RUNX2: variants seen among roughly 807,000 people sequenced by gnomAD.
The protein encoded by RUNX2 is runt-related transcription factor 2.
RUNX2 carries 10 observed loss-of-function variants against 51.7 expected under a neutral mutation model. The ratio of observed to expected loss-of-function variants is 0.19; its 90% CI spans 0.12 to 0.33. The LOEUF is 0.33. Ranked by LOEUF, RUNX2 falls within the 10% of genes least tolerant of loss-of-function variation. The pLI, the probability that RUNX2 is intolerant of heterozygous loss-of-function variation, is 1.00. For synonymous variants in RUNX2, 276 were observed against 273.6 expected, an observed-to-expected ratio of 1.01 and a Z score of -0.09; for missense variants, 562 against 691.3, an observed-to-expected ratio of 0.81 and a Z score of 2.10.
At chr6:45,359,720 A>C (rs185705743) in intron 2 of RUNX2, among the ~76,000 whole-genome samples, 1 of 152,310 alleles carries the variant, frequency 6.6e-6, no homozygotes, top group East Asian at 1.9e-4. Context: ...GTTGTTAGAT[A>C]TAGGAAACTG....
At chr6:45,470,671 T>G (rs563340268) in intron 5 of RUNX2, among the ~76,000 whole-genome samples, 1 of 152,342 alleles carries the variant, frequency 6.6e-6, no homozygotes, top group South Asian at 2.1e-4. Flanking sequence ...CCGGAAATAC[T>G]TCTCCTGGTC....
At chr6:45,466,949 A>G (rs1468956843) in intron 5 of RUNX2, among the ~76,000 whole-genome samples, 1 of 152,158 alleles carries the variant, frequency 6.6e-6, no homozygotes, top group Non-Finnish European at 1.5e-5. Flanking sequence ...TTGAGATGAT[A>G]TTTTATTTTT....
At chr6:45,504,314 C>A (rs906852815) in intron 6 of RUNX2, among the ~76,000 whole-genome samples, 1 of 152,218 alleles carries the variant, frequency 6.6e-6, no homozygotes, top group African/African-American at 2.4e-5. Context: ...GGAGCTCACT[C>A]TTCTGAGTGG....
chr6:45,399,182 G>A (rs1462328804), intron 2 of RUNX2, among the ~76,000 whole-genome samples: 1 of 151,754 alleles, frequency 6.6e-6, no homozygotes, highest in African/African-American at 2.4e-5. Context: ...CTCTTCATCT[G>A]TATTTCTACT....
At chr6:45,390,542 A>G (rs1254272956) in intron 2 of RUNX2, among the ~76,000 whole-genome samples, 1 of 152,230 alleles carries the variant, frequency 6.6e-6, no homozygotes, top group Non-Finnish European at 1.5e-5. Context: ...AGTTTTCAGA[A>G]GTGCTTTAAT....
At chr6:45,447,261 A>G (rs1187189372) in intron 5 of RUNX2, among the ~76,000 whole-genome samples, 2 of 152,338 alleles carry the variant, frequency 1.3e-5, no homozygotes, top group African/African-American at 4.8e-5. Flanking sequence ...CAGGCATCAC[A>G]GTTTTGCTGC....
At chr6:45,411,166 T>C (rs1797943111) in intron 2 of RUNX2, among the ~76,000 whole-genome samples, 1 of 152,222 alleles carries the variant, frequency 6.6e-6, no homozygotes, top group Non-Finnish European at 1.5e-5. Flanking sequence ...TAACTCATAT[T>C]AAAATTTTCA....
At chr6:45,512,514 C>T (rs989489954) in intron 7 of RUNX2, 107 bp downstream of exon 7, 3 of 1,228,566 alleles carry the variant, frequency 2.4e-6, no homozygotes, top group Admixed American at 1.8e-5. Context: ...CTATTAGAGG[C>T]ATGTGGGCAA....
intron 2 of RUNX2, among the ~76,000 whole-genome samples, chr6:45,345,724 ATTC>A (rs1274090137): frequency 5.9e-5 from 9 of 152,304 alleles, no homozygotes; most frequent in African/African-American, 2.2e-4. Context: ...TGCATTATCA[ATTC>A]TTCTTAATGA....
Position 45,512,417 on chromosome 6 carries a change from G to A in RUNX2, c.1021+10G>A, listed in dbSNP as rs372089747. ...CCTAGGCGCATTTCAGGTAAAGACC[G>A]TGCTTTAACTAAAAATCCATCCCTG... On this transcript the variant is annotated intron_variant, in intron 7 of 8. Transcript: ENST00000647337. 22 of 1,613,458 alleles carry A rather than the reference G, an allele frequency of 1.4e-5. No homozygotes were observed. The highest frequency in any genetic ancestry group is 4.5e-5 in the East Asian group (2 of 44,868).
chr6:45,534,258 GA>G (rs932841408), intron 7 of RUNX2, among the ~76,000 whole-genome samples: 1 of 151,814 alleles, frequency 6.6e-6, no homozygotes, highest in Non-Finnish European at 1.5e-5. Context: ...TCTATTGGGG[GA>G]AAAAAGGACA....
intron 7 of RUNX2, among the ~76,000 whole-genome samples, chr6:45,516,484 C>T (rs1020386530): frequency 1.3e-5 from 2 of 152,206 alleles, no homozygotes; most frequent in African/African-American, 2.4e-5. Flanking sequence ...CAGAAGACAC[C>T]TCCTTTCCTA....
At position 45,457,202 on chromosome 6, in the gene RUNX2, C is replaced by T. The variant is rs151332561; in HGVS notation, c.685+19151C>T. 1.7e-3 allele frequency among the ~76,000 whole-genome samples: 257 copies of T among 152,008 alleles called. 2 individuals are homozygous for T. The highest frequency in any genetic ancestry group is 5.7e-3 in the African/African-American group (235 of 41,416). On this transcript the variant is annotated intron_variant, in intron 5 of 8. Transcript: ENST00000647337. ...GCTCTGGTGGAGGATCAAAGAAAAGCAGAATTAATGGAGAAAAAGAGATAT... is the reference window on the plus strand; with the variant it reads ...GCTCTGGTGGAGGATCAAAGAAAAGTAGAATTAATGGAGAAAAAGAGATAT...
At chr6:45,385,860 A>G (rs1563062920) in intron 2 of RUNX2, among the ~76,000 whole-genome samples, 1 of 152,190 alleles carries the variant, frequency 6.6e-6, no homozygotes, top group East Asian at 1.9e-4. Context: ...AGATCGCACC[A>G]CTGCACTCCA....
chr6:45,545,581 T>C lies in RUNX2; in HGVS notation c.1087+299T>C, dbSNP rs1189346392. ...TCTGAATAAAAATGAGGTGAAGAAG[T>C]ACCCATTCATTAAAGTCCTCAAGAA... On this transcript the variant is annotated intron_variant, in intron 8 of 8. Transcript: ENST00000647337. 2.0e-5 allele frequency among the ~76,000 whole-genome samples: 3 copies of C among 152,286 alleles called. No homozygotes were observed. The South Asian group carries it at 6.2e-4, about 32-fold the overall frequency.
At chr6:45,338,227 A>G (rs1260578957) in intron 2 of RUNX2, among the ~76,000 whole-genome samples, 2 of 152,014 alleles carry the variant, frequency 1.3e-5, no homozygotes, top group Non-Finnish European at 2.9e-5. Flanking sequence ...GCTTCCTCAC[A>G]TTATGGTTCA....
At chr6:45,490,656 C>G (rs924652804) in intron 5 of RUNX2, among the ~76,000 whole-genome samples, 1 of 152,190 alleles carries the variant, frequency 6.6e-6, no homozygotes, top group Non-Finnish European at 1.5e-5. Context: ...TTGCGCTACC[C>G]ATAGAGTAGT....
chr6:45,353,823 A>C (rs772931987), intron 2 of RUNX2, among the ~76,000 whole-genome samples: 9 of 151,986 alleles, frequency 5.9e-5, no homozygotes, highest in Non-Finnish European at 1.3e-4. Flanking sequence ...GGCAACCACG[A>C]GATTTAGGTG....
chr6:45,431,737 G>A (rs1386009446), intron 3 of RUNX2, 126 bp from the exon 4 acceptor site: 12 of 1,060,564 alleles, frequency 1.1e-5, no homozygotes, highest in African/African-American at 3.1e-5. Context: ...CATTCCTGTC[G>A]GCCATTACTG....
Sources: allele counts gnomAD v4.1 joint callset (sites outside exome capture counted in the v4.1 genomes callset), GRCh38; gene constraint gnomAD v4.1.1; transcripts MANE v1.5; gene names NCBI Gene and HGNC (gene_info 2026-07-23, HGNC 2026-07-21).